LRP2: variants seen among roughly 807,000 people sequenced by gnomAD.
LRP2 encodes the protein LDL receptor related protein 2.
LRP2 carries 172 observed loss-of-function variants against 531.0 expected under a neutral mutation model. The ratio of observed to expected loss-of-function variants is 0.32; its 90% confidence interval spans 0.29 to 0.37. The LOEUF is 0.37. LRP2 is among the 10% of genes least tolerant of loss of function. LRP2 has a pLI of 1.00. For missense variants in LRP2, 5,167 were observed against 5,868.3 expected, an observed-to-expected ratio of 0.88 and a Z score of 3.90; for synonymous variants, 1,992 against 2,027.6, an observed-to-expected ratio of 0.98 and a Z score of 0.47.
intron 38 of LRP2, 115 bp downstream of exon 38, chr2:169,209,338 T>G: frequency 1.1e-6 from 1 of 930,082 alleles, no homozygotes; most frequent in Middle Eastern, 2.8e-4. Flanking sequence ...TTAAATGGTC[T>G]TAATAATTGT....
chr2:169,165,961 C>T lies in LRP2; in HGVS notation c.11729G>A (p.Gly3910Glu), dbSNP rs942147044. The T allele has an allele frequency of 3.7e-6, 6 of 1,613,972 alleles. No homozygotes were observed. The African/African-American group carries it at 6.7e-5, about 18-fold the overall frequency. ...HEVCNGVDDC[G>E]DGTDETEEHC... ...CTCCTCTGTCTCATCAGTTCCATCT[C>T]CACAGTCATCCACACCATTGCACAC... is the stretch of plus-strand genomic sequence containing the variant. The change falls in exon 62 of 79, where the codon GGA (glycine) becomes GAA (glutamate). Residue 3910 changes from glycine (G) to glutamate (E), a missense_variant. By Grantham distance (98) the Gly-to-Glu change is moderately conservative. Transcript: ENST00000649046.
chr2:169,239,517 C>A lies in LRP2; in HGVS notation c.4294+10G>T. 1 of 1,613,958 alleles carries A rather than the reference C, an allele frequency of 6.2e-7. No homozygotes were observed. The highest frequency in any genetic ancestry group is 1.1e-5 in the South Asian group (1 of 91,036). On this transcript the variant is annotated intron_variant, in intron 26 of 78. Coordinates refer to ENST00000649046, the MANE Select transcript of LRP2 (RefSeq NM_004525.3). ...GCTGATAAACTGGCTCGGGTTAGTT[C>A]AGCAATTACCTGTAACTTTGCAAGT...
intron 6 of LRP2, among the ~76,000 whole-genome samples, chr2:169,293,009 A>G (rs191818608): frequency 6.6e-6 from 1 of 152,310 alleles, no homozygotes; most frequent in Non-Finnish European, 1.5e-5. Flanking sequence ...CGACCATTCC[A>G]TGATGTCACA....
chr2:169,171,984 A>T (rs1452789383), intron 58 of LRP2, 31 bp downstream of exon 58: 1 of 1,613,614 alleles, frequency 6.2e-7, no homozygotes, highest in East Asian at 2.2e-5. Context: ...CTCTGGTGGT[A>T]TATAAGGACC....
chr2:169,236,100 G>T (rs1574163995), intron 28 of LRP2, 32 bp from the exon 29 acceptor site: 1 of 1,452,710 alleles, frequency 6.9e-7, no homozygotes, highest in African/African-American at 1.4e-5. Flanking sequence ...CAATTGGAGG[G>T]GACGTATTTA....
intron 1 of LRP2, among the ~76,000 whole-genome samples, chr2:169,355,917 G>A (rs985804235): frequency 3.3e-5 from 5 of 152,120 alleles, no homozygotes; most frequent in Admixed American, 3.3e-4. Flanking sequence ...TTGAGACAGG[G>A]TCTCACTCTG....
At chr2:169,182,573 T>C in intron 50 of LRP2, 2 of 1,350,676 alleles carry the variant, frequency 1.5e-6, no homozygotes, top group Non-Finnish European at 1.9e-6. Flanking sequence ...ACACACTTCA[T>C]TCGACGGGTC....
At chr2:169,240,059 ATAT>A (rs774034950) in intron 25 of LRP2, among the ~76,000 whole-genome samples, 2 of 152,218 alleles carry the variant, frequency 1.3e-5, no homozygotes, top group Non-Finnish European at 1.5e-5. Context: ...CCTTGGGAAA[ATAT>A]TGTTGACATC....
At position 169,243,191 on chromosome 2, in the gene LRP2, G is replaced by T. The variant is rs527441661; in HGVS notation, c.3551-119C>A. The stretch of plus-strand genomic sequence containing the variant: ...TGGAGTACATATGCAGAACATGCAG[G>T]TTTGTTACATAGGTATACACGTGCC... On this transcript the variant is annotated intron_variant, in intron 23 of 78. Transcript: ENST00000649046. The T allele has an allele frequency of 1.0e-4, 99 of 945,532 alleles. No homozygotes were observed. The Admixed American group carries it at 1.8e-3, about 18-fold the overall frequency. The allele number at this position is 945,532 out of a possible 1,614,324, so 58.6% of individuals were successfully genotyped here.
At chr2:169,194,601 C>T (rs1687940888) in intron 46 of LRP2, among the ~76,000 whole-genome samples, 1 of 152,080 alleles carries the variant, frequency 6.6e-6, no homozygotes, top group South Asian at 2.1e-4. Context: ...CTGGAATTAG[C>T]CTAAGGCAAG....
At chr2:169,152,356 T>C (rs376124996) in intron 67 of LRP2, among the ~76,000 whole-genome samples, 4 of 152,116 alleles carry the variant, frequency 2.6e-5, no homozygotes, top group African/African-American at 4.8e-5. Flanking sequence ...ATAACTACCA[T>C]AGAAAAAAAG....
At chr2:169,235,051 T>C (rs1286859158) in intron 29 of LRP2, among the ~76,000 whole-genome samples, 1 of 151,350 alleles carries the variant, frequency 6.6e-6, no homozygotes, top group Non-Finnish European at 1.5e-5. Flanking sequence ...GTTGGGACTA[T>C]AGGCAAACAC....
chr2:169,222,104 T>C (rs985714791), intron 33 of LRP2, among the ~76,000 whole-genome samples: 1 of 152,216 alleles, frequency 6.6e-6, no homozygotes, highest in Non-Finnish European at 1.5e-5. Flanking sequence ...ATACGATTCC[T>C]ATTTTCTTAA....
Position 169,354,589 on chromosome 2 carries a change from A to T in LRP2, c.79+7732T>A, listed in dbSNP as rs143592604. 8.5e-4 allele frequency among the ~76,000 whole-genome samples: 130 copies of T among 152,324 alleles called. 1 individual carries two copies. Among genetic ancestry groups the T allele is most frequent in the Non-Finnish European group, 1.6e-3 (108 of 68,022 alleles). ...AAAGACTTACATTTCTTTGCACTGA[A>T]TTTCAGTGCTATCCTAAATCAGAAG... On this transcript the variant is annotated intron_variant, in intron 1 of 78. Transcript: ENST00000649046.
chr2:169,160,983 G>A (rs927492101), intron 63 of LRP2, among the ~76,000 whole-genome samples: 3 of 152,206 alleles, frequency 2.0e-5, no homozygotes, highest in Non-Finnish European at 4.4e-5. Context: ...GGATGCCTCA[G>A]GAAAAAGTCA....
Position 169,142,772 on chromosome 2 carries a change from A to G in LRP2, c.13010T>C (p.Ile4337Thr), listed in dbSNP as rs1395550900. The G allele has an allele frequency of 4.3e-6, 7 of 1,613,934 alleles. No homozygotes were observed. In the Admixed American group the frequency reaches 1.0e-4, roughly 23 times the overall value. ...NKSVPNLCKQ[I>T]CSHLCLLRPG... The stretch of plus-strand genomic sequence containing the variant: ...TCTCAGAAGGCAGAGGTGGCTGCAG[A>G]TCTGTTTGCAAAGGTTGGGCACTGG... Residue 4337 changes from isoleucine (I) to threonine (T), a missense_variant, in exon 71 of 79, where the codon ATC (isoleucine) becomes ACC (threonine). Physicochemically the swap from Ile to Thr is moderately conservative, Grantham distance 89. Transcript: ENST00000649046.
intron 1 of LRP2, among the ~76,000 whole-genome samples, chr2:169,362,116 T>C (rs571673187): frequency 4.1e-4 from 63 of 152,356 alleles, no homozygotes; most frequent in African/African-American, 1.1e-3. Flanking sequence ...TCAAGTTTGC[T>C]GCCGCTCAGT....
rs918044878 is a variant in LRP2 at position 169,187,958 on chromosome 2, T to C, written c.9328+12A>G. 1.9e-6 allele frequency: 3 copies of C among 1,614,038 alleles called. No homozygotes were observed. Among genetic ancestry groups the C allele is most frequent in the Non-Finnish European group, 1.7e-6 (2 of 1,179,914 alleles). ...CCCTGTTTCCTTTTCCCAAATCCTC[T>C]GTTGTACTCACCACAGCCTTTCTCA... On this transcript the variant is annotated intron_variant, in intron 49 of 78. Transcript: ENST00000649046.
chr2:169,176,679 T>A, intron 53 of LRP2, 91 bp from the exon 54 acceptor site: 2 of 1,120,912 alleles, frequency 1.8e-6, no homozygotes, highest in Non-Finnish European at 2.7e-6. Context: ...TTTAAACTCA[T>A]CACCTCTTAG....
Sources: allele counts gnomAD v4.1 joint callset (sites outside exome capture counted in the v4.1 genomes callset), GRCh38; gene constraint gnomAD v4.1.1; transcripts MANE v1.5; gene names NCBI Gene and HGNC (gene_info 2026-07-23, HGNC 2026-07-21).